Variants in MACROD2 observed in about 807,000 individuals in gnomAD.
MACROD2 encodes the protein mono-ADP ribosylhydrolase 2.
MACROD2 carries 36 observed loss-of-function variants against 70.4 expected under a neutral mutation model. The observed-to-expected ratio is 0.51, with a 90% confidence interval of 0.39 to 0.68. The LOEUF (loss-of-function observed/expected upper bound fraction) is 0.68, where lower values mean the gene tolerates loss of function less well. MACROD2 is among the 30% of genes least tolerant of loss of function. The pLI is 0.00. For missense variants in MACROD2, 496 were observed against 538.4 expected (o/e 0.92, Z 0.78); for synonymous variants, 172 against 178.8 (o/e 0.96, Z 0.30).
At chr20:14,574,777 C>G (rs1347358664) in intron 4 of MACROD2, among the ~76,000 whole-genome samples, 2 of 149,128 alleles carry the variant, frequency 1.3e-5, no homozygotes, top group East Asian at 2.0e-4. Flanking sequence ...TTTGGGAGGC[C>G]GGGGCGGGTG....
chr20:14,710,678 A>G (rs1476589918), intron 5 of MACROD2, among the ~76,000 whole-genome samples: 2 of 152,192 alleles, frequency 1.3e-5, no homozygotes, highest in Non-Finnish European at 2.9e-5. Context: ...CCTCATTGCC[A>G]TATTGTGTTC....
intron 3 of MACROD2, among the ~76,000 whole-genome samples, chr20:14,201,952 A>G (rs2081483474): frequency 6.6e-6 from 1 of 152,016 alleles, no homozygotes; most frequent in African/African-American, 2.4e-5. Flanking sequence ...TGCTAATAAT[A>G]TGTAATTTAA....
chr20:14,429,586 T>G (rs1351331222), intron 3 of MACROD2, among the ~76,000 whole-genome samples: 1 of 152,164 alleles, frequency 6.6e-6, no homozygotes, highest in Non-Finnish European at 1.5e-5. Flanking sequence ...GACTTTACAG[T>G]GCTCTGCTCA....
At chr20:14,455,643 A>G (rs1203760310) in intron 3 of MACROD2, among the ~76,000 whole-genome samples, 1 of 151,868 alleles carries the variant, frequency 6.6e-6, no homozygotes, top group Non-Finnish European at 1.5e-5. Flanking sequence ...GGGCATGTCT[A>G]CTTTCTAAGC....
At chr20:14,355,392 C>A (rs2083162926) in intron 3 of MACROD2, among the ~76,000 whole-genome samples, 1 of 152,090 alleles carries the variant, frequency 6.6e-6, no homozygotes, top group Admixed American at 6.6e-5. Flanking sequence ...CCCCACTAAT[C>A]CATATATTTT....
intron 4 of MACROD2, among the ~76,000 whole-genome samples, chr20:14,511,072 A>G (rs1409485079): frequency 6.6e-6 from 1 of 152,046 alleles, no homozygotes; most frequent in African/African-American, 2.4e-5. Context: ...ATGCTTGGTG[A>G]GACAGAATGA....
chr20:15,215,898 C>G (rs2076806080), intron 5 of MACROD2, among the ~76,000 whole-genome samples: 1 of 151,990 alleles, frequency 6.6e-6, no homozygotes, highest in African/African-American at 2.4e-5. Context: ...AGGAAATACT[C>G]TATAATGTAC....
Position 14,326,672 on chromosome 20 carries a change from A to G in MACROD2, c.272-166807A>G. 1 of 1,613,790 alleles carries G rather than the reference A, an allele frequency of 6.2e-7. No individual in the cohort carries two copies. The highest frequency in any genetic ancestry group is 8.5e-7 in the Non-Finnish European group (1 of 1,179,832). On this transcript the variant is annotated intron_variant, in intron 3 of 17. Transcript: ENST00000684519. The surrounding 1 kb of genome is among the most constrained non-coding windows in gnomAD (Gnocchi z 5.5). Reference sequence around the variant, plus strand: ...GGTAAATTACTTAGGTTATTATTGGACATATCCAGTCGATAGAGCTGCCTT... The same window carrying G: ...GGTAAATTACTTAGGTTATTATTGGGCATATCCAGTCGATAGAGCTGCCTT...
At chr20:14,058,105 G>T (rs1264918659) in intron 2 of MACROD2, among the ~76,000 whole-genome samples, 2 of 152,122 alleles carry the variant, frequency 1.3e-5, no homozygotes, top group South Asian at 4.1e-4. Flanking sequence ...TATTAGTAGT[G>T]TTCCTTTTCT....
chr20:15,538,998 A>C (rs944292821), intron 8 of MACROD2, among the ~76,000 whole-genome samples: 1 of 152,134 alleles, frequency 6.6e-6, no homozygotes, highest in African/African-American at 2.4e-5. Flanking sequence ...ATAAAGTATA[A>C]ATTATAAATA....
chr20:14,003,219 A>G (rs977577156), intron 2 of MACROD2, among the ~76,000 whole-genome samples: 2 of 152,204 alleles, frequency 1.3e-5, no homozygotes, highest in Non-Finnish European at 2.9e-5. Flanking sequence ...TGGGCCCAGA[A>G]TAAAGACTAG....
At chr20:14,090,572 CAAA>C (rs10715091) in intron 3 of MACROD2, among the ~76,000 whole-genome samples, 21 of 143,446 alleles carry the variant, frequency 1.5e-4, no homozygotes, top group Non-Finnish European at 1.7e-4. Flanking sequence ...GACTCCGTGT[CAAA>C]AAAAAAAAAA....
intron 5 of MACROD2, among the ~76,000 whole-genome samples, chr20:15,037,716 C>T (rs2075324590): frequency 6.6e-6 from 1 of 151,532 alleles, no homozygotes; most frequent in African/African-American, 2.4e-5. Context: ...GATGACAATC[C>T]AGGTTGCAAA....
At chr20:15,877,189 T>C (rs976386904) in intron 9 of MACROD2, among the ~76,000 whole-genome samples, 56 of 152,130 alleles carry the variant, frequency 3.7e-4, no homozygotes, top group African/African-American at 1.3e-3. Context: ...GTGTACTTGC[T>C]TGCACACGTC....
intron 5 of MACROD2, among the ~76,000 whole-genome samples, chr20:14,712,606 T>C (rs558147365): frequency 6.6e-6 from 1 of 152,322 alleles, no homozygotes; most frequent in East Asian, 1.9e-4. Context: ...AGTCTACATA[T>C]AAACATTACG....
At chr20:15,508,762 G>T (rs2047461162) in intron 8 of MACROD2, among the ~76,000 whole-genome samples, 1 of 152,138 alleles carries the variant, frequency 6.6e-6, no homozygotes, top group Non-Finnish European at 1.5e-5. Context: ...ATAAAAAATG[G>T]TGGTGAACCT....
chr20:15,772,084 CAA>C lies in MACROD2; in HGVS notation c.646-90644_646-90643del, dbSNP rs753205618. On this transcript the variant is annotated intron_variant, in intron 8 of 17. Coordinates refer to ENST00000684519, the MANE Select transcript of MACROD2 (RefSeq NM_001351661.2). ...TGAGCGACAAAGTGAGACTCGGTCTCAAAAAAAAAAAAAAAAAATATATATAT... is the reference window on the plus strand; with the variant it reads ...TGAGCGACAAAGTGAGACTCGGTCTCAAAAAAAAAAAAAAAATATATATAT... 5.1e-3 allele frequency among the ~76,000 whole-genome samples: 357 copies of C among 70,660 alleles called. 3 individuals carry two copies. Among genetic ancestry groups the C allele is most frequent in the East Asian group, 0.048 (67 of 1,394 alleles). 46.4% of individuals were successfully genotyped at this position (70,660 alleles called of 152,430 possible).
chr20:14,462,418 T>G (rs2084383365), intron 3 of MACROD2, among the ~76,000 whole-genome samples: 1 of 152,294 alleles, frequency 6.6e-6, no homozygotes, highest in East Asian at 1.9e-4. Flanking sequence ...GAGTTCATTG[T>G]AGATTCTGGA....
chr20:15,563,446 A>G (rs1051581126), intron 8 of MACROD2, among the ~76,000 whole-genome samples: 1 of 152,178 alleles, frequency 6.6e-6, no homozygotes, highest in Admixed American at 6.5e-5. Context: ...TTCTCTAAAC[A>G]TCTCTACTCT....
Sources: gnomAD v4.1 joint callset for allele counts (sites outside exome capture counted in the v4.1 genomes callset) on GRCh38, gnomAD v4.1.1 for gene constraint, Gnocchi (gnomAD v3.1) non-coding constraint, MANE v1.5 for transcripts, NCBI Gene and HGNC (gene_info 2026-07-23, HGNC 2026-07-21) for gene names.